Variants in PSMB3 observed in about 807,000 individuals in gnomAD.
PSMB3 encodes the protein proteasome subunit beta type-3.
In PSMB3, 5 loss-of-function variants were observed where a neutral mutation model predicts 23.3. The observed-to-expected ratio is 0.21, with a 90% CI of 0.11 to 0.45. The LOEUF (loss-of-function observed/expected upper bound fraction) is 0.45, where lower values mean the gene tolerates loss of function less well. Among genes scored for constraint, PSMB3 ranks in the 20% least tolerant of loss-of-function variants. PSMB3 has a pLI of 0.99. For missense variants in PSMB3, 192 were observed against 277.9 expected (o/e 0.69, Z 2.20); for synonymous variants, 85 against 99.8 (o/e 0.85, Z 0.88).
chr17:38,753,517 CA>C (rs1908030887), intron 2 of PSMB3, among the ~76,000 whole-genome samples, 183 bp downstream of exon 2: 1 of 151,392 alleles, frequency 6.6e-6, no homozygotes, highest in Non-Finnish European at 1.5e-5. Context: ...CTTGCTCTGT[CA>C]CCCAGGCTGG....
chr17:38,755,630 C>CA (rs1449069679), intron 2 of PSMB3, among the ~76,000 whole-genome samples: 3 of 126,940 alleles, frequency 2.4e-5, no homozygotes, highest in Admixed American at 1.9e-4. Flanking sequence ...GCCTGGGCGA[C>CA]GAGTGAGACT....
chr17:38,760,563 C>T lies in PSMB3; in HGVS notation c.429C>T (p.Ala143=), dbSNP rs765337272. ...ACTTTGTGGTCAGTGGCACCTGCGC[C>T]GAACAAATGTACGGAATGTGTGAGT... is the stretch of plus-strand genomic sequence containing the variant. ...TDDFVVSGTC[A]EQMYGMCESL... The change falls in exon 4 of 6, where the codon GCC becomes GCT. Residue 143 remains alanine (A), a synonymous_variant. Coordinates refer to ENST00000619426, the MANE Select transcript of PSMB3 (RefSeq NM_002795.4). 14 of 1,614,100 alleles carry T rather than the reference C, an allele frequency of 8.7e-6. No individual in the cohort carries two copies. The highest frequency in any genetic ancestry group is 3.3e-4 in the Middle Eastern group (2 of 6,084).
At chr17:38,753,092 CG>C in intron 1 of PSMB3, 57 bp from the exon 2 acceptor site, 1 of 1,515,562 alleles carries the variant, frequency 6.6e-7, no homozygotes, top group Non-Finnish European at 8.9e-7. Flanking sequence ...GGAGCTGGGC[CG>C]GGGGCTGTGG....
chr17:38,760,613 G>A lies in PSMB3; in HGVS notation c.474+5G>A, dbSNP rs1252229617. On this transcript the variant is annotated splice_donor_5th_base_variant and intron_variant, in intron 4 of 5. Transcript: ENST00000619426. ...TCCCTCTGGGAGCCCAACATGGTAC[G>A]TTGGTGGCATGGAGAGGGGCTGGGC... 1.2e-6 allele frequency: 2 copies of A among 1,614,058 alleles called. No individual in the cohort carries two copies. Among genetic ancestry groups the A allele is most frequent in the African/African-American group, 2.7e-5 (2 of 74,944 alleles).
At chr17:38,763,373 AC>A (rs1448156576) in intron 5 of PSMB3, among the ~76,000 whole-genome samples, 1 of 151,808 alleles carries the variant, frequency 6.6e-6, no homozygotes, top group Non-Finnish European at 1.5e-5. Context: ...AAAAACAAAA[AC>A]AAAAAACCCA....
chr17:38,764,195 C>G lies in PSMB3; in HGVS notation c.*28C>G, dbSNP rs1567647234. 1 of 1,606,024 alleles carries G rather than the reference C, an allele frequency of 6.2e-7. No individual in the cohort carries two copies. Among genetic ancestry groups the G allele is most frequent in the East Asian group, 2.2e-5 (1 of 44,514 alleles). ...CTGTTCCCAGAGCCCACTTTTTTTT[C>G]TTTTTTTGAAATAAAATAGCCTGTC... On this transcript the variant is annotated 3_prime_UTR_variant, in exon 6 of 6. Transcript: ENST00000619426.
intron 3 of PSMB3, among the ~76,000 whole-genome samples, chr17:38,758,821 T>C (rs1172735184): frequency 6.6e-6 from 1 of 152,028 alleles, no homozygotes; most frequent in African/African-American, 2.4e-5. Context: ...CCGAGGTGGG[T>C]GGATCACAAG....
chr17:38,762,087 T>C (rs1908467820), intron 4 of PSMB3: 3 of 286,482 alleles, frequency 1.0e-5, no homozygotes, highest in East Asian at 1.4e-4. Context: ...TAAAGCACAC[T>C]GGAGCTAAAT....
At chr17:38,763,095 G>A (rs953031203) in intron 5 of PSMB3, among the ~76,000 whole-genome samples, 17 of 152,180 alleles carry the variant, frequency 1.1e-4, no homozygotes, top group Middle Eastern at 3.2e-3. Context: ...GTTGGCTCAC[G>A]CCTGTAATCC....
intron 1 of PSMB3, 89 bp from the exon 2 acceptor site, chr17:38,753,061 C>A: frequency 7.2e-7 from 1 of 1,383,452 alleles, no homozygotes; most frequent in Non-Finnish European, 9.8e-7. Context: ...GGAGAACGGG[C>A]GTACAGGAGC....
At chr17:38,756,798 T>TC (rs1908217560) in intron 3 of PSMB3, among the ~76,000 whole-genome samples, 1 of 151,874 alleles carries the variant, frequency 6.6e-6, no homozygotes, top group Admixed American at 6.6e-5. Context: ...TGGCCTGATC[T>TC]CTTTTTTTTT....
chr17:38,763,987 G>A (rs1260415964), intron 5 of PSMB3, 132 bp from the exon 6 acceptor site: 3 of 910,038 alleles, frequency 3.3e-6, no homozygotes, highest in Non-Finnish European at 5.2e-6. Flanking sequence ...TACACCTAGA[G>A]GCAGCGGGCA....
At chr17:38,761,408 C>T (rs902304543) in intron 4 of PSMB3, among the ~76,000 whole-genome samples, 4 of 150,288 alleles carry the variant, frequency 2.7e-5, no homozygotes, top group African/African-American at 7.4e-5. Context: ...GCTGCCGAAG[C>T]GAGCACAAAA....
At chr17:38,762,734 C>A (rs1269957688) in intron 5 of PSMB3, among the ~76,000 whole-genome samples, 1 of 152,152 alleles carries the variant, frequency 6.6e-6, no homozygotes, top group East Asian at 1.9e-4. Flanking sequence ...ACCCCGTGCT[C>A]ACAAGAGACA....
rs757352080 is a variant in PSMB3 at position 38,755,932 on chromosome 17, C to T, written c.238C>T (p.Arg80Trp). Residue 80 changes from arginine (R) to tryptophan (W), a missense_variant, in exon 3 of 6, where the codon CGG becomes TGG. Transcript: ENST00000619426. ...RLNLYELKEG[R>W]QIKPYTLMSM... ...GAACCTGTATGAGTTGAAGGAAGGT[C>T]GGCAGATCAAACCTTATACCCTCAT... 7 of 1,614,026 alleles carry T rather than the reference C, an allele frequency of 4.3e-6. No individual in the cohort carries two copies. The highest frequency in any genetic ancestry group is 5.9e-6 in the Non-Finnish European group (7 of 1,180,016).
At chr17:38,755,003 CTTT>C (rs35692048) in intron 2 of PSMB3, among the ~76,000 whole-genome samples, 2 of 144,888 alleles carry the variant, frequency 1.4e-5, no homozygotes, top group Non-Finnish European at 1.5e-5. Flanking sequence ...GTGCTGCCCC[CTTT>C]TTTTTTTTTT....
chr17:38,756,068 ACT>A, intron 3 of PSMB3, 78 bp downstream of exon 3: 1 of 1,160,954 alleles, frequency 8.6e-7, no homozygotes, highest in Non-Finnish European at 1.3e-6. Flanking sequence ...GAGGAAGAGG[ACT>A]CTCCTTGTTT....
chr17:38,752,936 G>T lies in PSMB3; in HGVS notation c.3+107G>T. The stretch of plus-strand genomic sequence containing the variant: ...GGCCTAGGGTCGATGGAAGGAAGCG[G>T]TTTCAGTTCGAGGGGAGCGGGCCCC... On this transcript the variant is annotated intron_variant, in intron 1 of 5. Transcript: ENST00000619426. The surrounding 1 kb of genome is among the most constrained non-coding windows in gnomAD (Gnocchi z 5.5). 1 of 1,510,138 alleles carries T rather than the reference G, an allele frequency of 6.6e-7. No homozygotes were observed. Among genetic ancestry groups the T allele is most frequent in the African/African-American group, 1.4e-5 (1 of 72,484 alleles). 93.5% of individuals were successfully genotyped at this position (1,510,138 alleles called of 1,614,324 possible). A position where few individuals can be genotyped will look rare whatever the true frequency, so the allele number is the denominator to read the frequency against.
chr17:38,762,444 G>C lies in PSMB3; in HGVS notation c.508G>C (p.Ala170Pro). 6.2e-7 allele frequency: 1 copy of C among 1,614,172 alleles called. No individual in the cohort carries two copies. Among genetic ancestry groups the C allele is most frequent in the Non-Finnish European group, 8.5e-7 (1 of 1,180,020 alleles). Residue 170 changes from alanine (A) to proline (P), a missense_variant, in exon 5 of 6, where the codon GCC becomes CCC. Physicochemically the swap from Ala to Pro is conservative, Grantham distance 27 (BLOSUM62 -1). Coordinates refer to ENST00000619426, the MANE Select transcript of PSMB3 (RefSeq NM_002795.4). The part of the protein sequence containing the change: ...PDHLFETISQ[A>P]MLNAVDRDAV... ...TCACCTGTTTGAAACCATCTCCCAAGCCATGCTGAATGCTGTGGACCGGGA... is the reference window on the plus strand; with the variant it reads ...TCACCTGTTTGAAACCATCTCCCAACCCATGCTGAATGCTGTGGACCGGGA...
Sources: gnomAD v4.1 joint callset for allele counts (sites outside exome capture counted in the v4.1 genomes callset) on GRCh38, gnomAD v4.1.1 for gene constraint, Gnocchi (gnomAD v3.1) non-coding constraint, MANE v1.5 for transcripts, NCBI Gene and HGNC (gene_info 2026-07-23, HGNC 2026-07-21) for gene names.